The following NOM1 variants were observed in gnomAD, a reference collection of about 807,000 sequenced individuals.
NOM1 encodes the protein nucleolar protein with MIF4G domain 1.
A neutral mutation model predicts 73.3 loss-of-function variants in NOM1; 58 were observed. The observed-to-expected ratio is 0.79, with a 90% confidence interval of 0.64 to 0.99. The LOEUF is 0.99. Among genes scored for constraint, NOM1 ranks in the 50% least tolerant of loss-of-function variants. The probability of loss-of-function intolerance (pLI) is 0.00; values close to 1 mark genes in which losing one functional copy is unlikely to be tolerated. For missense variants in NOM1, 1,226 were observed against 1,131.9 expected (o/e 1.08, Z -1.19); for synonymous variants, 487 against 446.8 (o/e 1.09, Z -1.14).
At chr7:156,954,438 T>A in intron 3 of NOM1, 140 bp downstream of exon 3, 1 of 647,070 alleles carries the variant, frequency 1.5e-6, no homozygotes, top group Non-Finnish European at 2.4e-6. Context: ...TACTCTATTG[T>A]CTATGTCATG....
Position 156,949,961 on chromosome 7 carries a change from G to C in NOM1, c.224G>C (p.Arg75Pro), listed in dbSNP as rs895501332. 5.2e-6 allele frequency: 8 copies of C among 1,541,032 alleles called. No homozygotes were observed. Among genetic ancestry groups the C allele is most frequent in the Non-Finnish European group, 7.0e-6 (8 of 1,146,606 alleles). Reference sequence around the variant, plus strand: ...GGGCGCGGCGCCCCGGTGAGCTTTCGCCCGGGAGGGAGAAAAAGCCGTAAG... The same window carrying C: ...GGGCGCGGCGCCCCGGTGAGCTTTCCCCCGGGAGGGAGAAAAAGCCGTAAG... ...CEGRGAPVSF[R>P]PGGRKSRKEL... Residue 75 changes from arginine to proline, a missense_variant, in exon 1 of 11, where the codon CGC becomes CCC. By Grantham distance (103) the Arg-to-Pro change is moderately radical. Transcript: ENST00000275820.
intron 6 of NOM1, chr7:156,963,644 C>T (rs892531450): frequency 5.7e-5 from 23 of 400,572 alleles, no homozygotes; most frequent in Non-Finnish European, 1.0e-4. Flanking sequence ...GACTGGTTCT[C>T]TGTTTTATTC....
chr7:156,952,620 A>G (rs2134770823), intron 2 of NOM1, 22 bp downstream of exon 2: 3 of 1,605,536 alleles, frequency 1.9e-6, no homozygotes, highest in Non-Finnish European at 2.5e-6. Flanking sequence ...GTGTTGTTAC[A>G]CTGTGTCACT....
At chr7:156,952,333 C>G in intron 1 of NOM1, 141 bp from the exon 2 acceptor site, 1 of 836,278 alleles carries the variant, frequency 1.2e-6, no homozygotes, top group Non-Finnish European at 1.9e-6. Context: ...CTCAATAAAT[C>G]TGATGTATTT....
rs1415724731 is a variant in NOM1, at chr7:156,950,208, C to A, written c.471C>A (p.Thr157=). Residue 157 remains threonine (T), a synonymous_variant, in exon 1 of 11, where the codon ACC becomes ACA. Transcript: ENST00000275820. The part of the protein sequence containing the change: ...SRVKAKATAA[T]AKTRPSAAAT... ...TCAAGGCCAAGGCCACGGCCGCCACCGCAAAGACCAGACCCTCCGCAGCCG... is the reference window on the plus strand; with the variant it reads ...TCAAGGCCAAGGCCACGGCCGCCACAGCAAAGACCAGACCCTCCGCAGCCG... The A allele has an allele frequency of 1.9e-6, 3 of 1,610,564 alleles. No homozygotes were observed. The African/African-American group carries it at 4.0e-5, about 21-fold the overall frequency.
chr7:156,949,790 G>A lies in NOM1; in HGVS notation c.53G>A (p.Arg18His), dbSNP rs758442062. Residue 18 changes from arginine (R) to histidine (H), a missense_variant, in exon 1 of 11, where the codon CGC (arginine) becomes CAC (histidine). Arg to His is a conservative substitution (Grantham distance 29, BLOSUM62 0). Coordinates refer to ENST00000275820, the MANE Select transcript of NOM1 (RefSeq NM_138400.2). ...GCCGGCCCGGGCGGCTCCCAGGGACGCGTGGTCCGCATGAAGCGCAGAGGC... is the reference window on the plus strand; with the variant it reads ...GCCGGCCCGGGCGGCTCCCAGGGACACGTGGTCCGCATGAAGCGCAGAGGC... Reference protein sequence around the residue: ...GEAGPGGSQGRVVRMKRRGGR... With the variant: ...GEAGPGGSQGHVVRMKRRGGR... 1.4e-6 allele frequency: 2 copies of A among 1,419,728 alleles called. No individual in the cohort carries two copies. Among genetic ancestry groups the A allele is most frequent in the Non-Finnish European group, 1.8e-6 (2 of 1,092,016 alleles). The allele number at this position is 1,419,728 out of a possible 1,614,324, so 87.9% of individuals were successfully genotyped here.
intron 9 of NOM1, 37 bp from the exon 10 acceptor site, chr7:156,969,050 A>T: frequency 8.8e-7 from 1 of 1,132,714 alleles, no homozygotes; most frequent in Non-Finnish European, 1.3e-6. Context: ...TGGCTAAATC[A>T]GTGTAACTTT....
Position 156,963,990 on chromosome 7 carries a change from G to A in NOM1, c.1997G>A (p.Ser666Asn). 5 of 1,613,928 alleles carry A rather than the reference G, an allele frequency of 3.1e-6. No individual in the cohort carries two copies. The highest frequency in any genetic ancestry group is 4.2e-6 in the Non-Finnish European group (5 of 1,179,846). Residue 666 changes from serine (S) to asparagine (N), a missense_variant, in exon 7 of 11, where the codon AGT (serine) becomes AAT (asparagine). Ser to Asn is a conservative substitution (Grantham distance 46). Coordinates refer to ENST00000275820, the MANE Select transcript of NOM1 (RefSeq NM_138400.2). ...RRNIFCTIMT[S>N]EDFLDAFEKL... Reference sequence around the variant, plus strand: ...AACATATTCTGCACAATAATGACAAGTGAAGATTTTTTGGATGCTTTTGAA... The same window carrying A: ...AACATATTCTGCACAATAATGACAAATGAAGATTTTTTGGATGCTTTTGAA...
intron 1 of NOM1, among the ~76,000 whole-genome samples, chr7:156,951,756 G>A (rs753417175): frequency 1.1e-4 from 16 of 151,806 alleles, no homozygotes; most frequent in East Asian, 3.9e-4. Flanking sequence ...CGTCTAGGCT[G>A]GAGTAGAGTG....
At chr7:156,955,315 C>T (rs891792612) in intron 3 of NOM1, among the ~76,000 whole-genome samples, 1 of 152,186 alleles carries the variant, frequency 6.6e-6, no homozygotes, top group East Asian at 1.9e-4. Context: ...ATCCCAGTTC[C>T]CCCAAGGTAG....
At chr7:156,960,260 AT>A in intron 4 of NOM1, 86 bp downstream of exon 4, 1 of 1,092,156 alleles carries the variant, frequency 9.2e-7, no homozygotes, top group Non-Finnish European at 1.4e-6. Context: ...TGGGGTAAAT[AT>A]TACACTTGCT....
At chr7:156,963,768 CGA>C (rs1424274606) in intron 6 of NOM1, 135 bp from the exon 7 acceptor site, 1 of 954,842 alleles carries the variant, frequency 1.0e-6, no homozygotes, top group African/African-American at 1.6e-5. Flanking sequence ...GGGCGTTGCC[CGA>C]GAGTGGACTT....
chr7:156,960,020 C>T lies in NOM1; in HGVS notation c.1478C>T (p.Thr493Ile), dbSNP rs1804824811. Reference protein sequence around the residue: ...IFDILKKLIGTFTEKDIELIL... With the variant: ...IFDILKKLIGIFTEKDIELIL... The stretch of plus-strand genomic sequence containing the variant: ...GACATTTTGAAAAAACTGATTGGAA[C>T]TTTCACCGAAAAAGATATTGAACTG... Residue 493 changes from threonine (T) to isoleucine (I), a missense_variant, in exon 4 of 11, where the codon ACT becomes ATT. Coordinates refer to ENST00000275820, the MANE Select transcript of NOM1 (RefSeq NM_138400.2). 2 of 1,614,136 alleles carry T rather than the reference C, an allele frequency of 1.2e-6. No individual in the cohort carries two copies. The highest frequency in any genetic ancestry group is 4.5e-5 in the East Asian group (2 of 44,884).
In NOM1 at chr7:156,953,184, C is replaced by T. The variant is rs1336984075; in HGVS notation, c.1112+586C>T. Among the ~76,000 whole-genome samples the T allele has an allele frequency of 7.9e-5, 12 of 152,270 alleles. No homozygotes were observed. In the South Asian group the frequency reaches 1.2e-3, roughly 16 times the overall value. On this transcript the variant is annotated intron_variant, in intron 2 of 10. Coordinates refer to ENST00000275820, the MANE Select transcript of NOM1 (RefSeq NM_138400.2). ...TGCTGCACTGGCTGGAGTGCAATGG[C>T]GCTATCTCGGCTCACTGCAACCTCT...
chr7:156,953,877 A>T (rs1156628111), intron 2 of NOM1, among the ~76,000 whole-genome samples: 1 of 152,186 alleles, frequency 6.6e-6, no homozygotes, highest in Non-Finnish European at 1.5e-5. Context: ...GCCACATTTC[A>T]TCTTGTAAAG....
At chr7:156,956,054 A>G (rs1161011470) in intron 3 of NOM1, among the ~76,000 whole-genome samples, 2 of 152,082 alleles carry the variant, frequency 1.3e-5, no homozygotes, top group Non-Finnish European at 2.9e-5. Context: ...TTAGCCAGGC[A>G]TGGTGGCGGG....
chr7:156,950,774 G>C, intron 1 of NOM1, 50 bp downstream of exon 1: 5 of 1,485,796 alleles, frequency 3.4e-6, no homozygotes, highest in Non-Finnish European at 4.5e-6. Flanking sequence ...TCAAAATAAC[G>C]GGACAGGGAA....
Position 156,969,605 on chromosome 7 carries a change from G to C in NOM1, c.2485G>C (p.Ala829Pro). 1.2e-6 allele frequency: 2 copies of C among 1,614,010 alleles called. No individual in the cohort carries two copies. Among genetic ancestry groups the C allele is most frequent in the Non-Finnish European group, 1.7e-6 (2 of 1,179,968 alleles). ...CATCAGCCACTTCTTGCTAAAGAAC[G>C]CACAGGCCCACAGAAGCGCCGACGA... ...LFISHFLLKN[A>P]QAHRSADEAN... The change falls in exon 11 of 11, where the codon GCA (alanine) becomes CCA (proline). Residue 829 changes from alanine to proline, a missense_variant. Coordinates refer to ENST00000275820, the MANE Select transcript of NOM1 (RefSeq NM_138400.2).
At position 156,966,149 on chromosome 7, in the gene NOM1, C is replaced by G. The variant is rs926442474; in HGVS notation, c.2034-121C>G. On this transcript the variant is annotated intron_variant, in intron 7 of 10. Coordinates refer to ENST00000275820, the MANE Select transcript of NOM1 (RefSeq NM_138400.2). ...CTGGTGTCTGCCGCTGCCTCCACCTCCTTTACGTGGCTCGCCTCTAACCAG... is the reference window on the plus strand; with the variant it reads ...CTGGTGTCTGCCGCTGCCTCCACCTGCTTTACGTGGCTCGCCTCTAACCAG... The G allele has an allele frequency of 5.5e-6, 7 of 1,264,192 alleles. No individual in the cohort carries two copies. The East Asian group carries it at 1.4e-4, about 25-fold the overall frequency. The allele number at this position is 1,264,192 out of a possible 1,614,324, so 78.3% of individuals were successfully genotyped here.
Sources: gnomAD v4.1 joint callset for allele counts (sites outside exome capture counted in the v4.1 genomes callset) on GRCh38, gnomAD v4.1.1 for gene constraint, MANE v1.5 for transcripts, NCBI Gene and HGNC (gene_info 2026-07-23, HGNC 2026-07-21) for gene names.